The following DOCK1 variants were observed in gnomAD, a reference collection of about 807,000 sequenced individuals.
The protein encoded by DOCK1 is dedicator of cytokinesis 1.
Under a neutral mutation model 262.7 loss-of-function variants are expected in DOCK1, and 138 were observed. That is an observed-to-expected ratio of 0.53 (90% confidence interval 0.46 to 0.61). The LOEUF (loss-of-function observed/expected upper bound fraction) is 0.61, where lower values mean the gene tolerates loss of function less well. Ranked by LOEUF, DOCK1 falls within the 20% of genes least tolerant of loss-of-function variation. The pLI is 0.00. For missense variants in DOCK1, 1,908 were observed against 2,370.7 expected, an observed-to-expected ratio of 0.80 and a Z score of 4.05; for synonymous variants, 866 against 867.4, an observed-to-expected ratio of 1.00 and a Z score of 0.03.
chr10:127,422,222 A>G (rs2068559132), intron 46 of DOCK1, among the ~76,000 whole-genome samples: 1 of 118,650 alleles, frequency 8.4e-6, no homozygotes, highest in South Asian at 2.8e-4. Context: ...CCTGGAGTGC[A>G]GTGGCGTGAT....
At chr10:127,069,659 T>C (rs919338894) in intron 23 of DOCK1, among the ~76,000 whole-genome samples, 1 of 152,128 alleles carries the variant, frequency 6.6e-6, no homozygotes, top group Non-Finnish European at 1.5e-5. Context: ...CTAGGTCACA[T>C]TGTCTGTATG....
At chr10:127,278,534 G>A (rs2060829467) in intron 29 of DOCK1, among the ~76,000 whole-genome samples, 2 of 152,088 alleles carry the variant, frequency 1.3e-5, no homozygotes, top group African/African-American at 4.8e-5. Flanking sequence ...GGGAGTTGCA[G>A]CTGGCTGAAT....
intron 29 of DOCK1, among the ~76,000 whole-genome samples, chr10:127,301,722 G>A (rs1316749654): frequency 1.3e-5 from 2 of 152,144 alleles, no homozygotes; most frequent in African/African-American, 4.8e-5. Flanking sequence ...GAGGAGGGCA[G>A]ATCACTTGAG....
chr10:127,032,227 G>T lies in DOCK1; in HGVS notation c.1819G>T (p.Gly607Cys), dbSNP rs749635446. Residue 607 changes from glycine to cysteine, a missense_variant, in exon 18 of 52, where the codon GGC becomes TGC. Gly to Cys is a radical substitution (Grantham distance 159). Transcript: ENST00000623213. ...GGAAGAAAAGGGCCACTCGGCCACC[G>T]GCAAGAGCATGCAGAGCCTTGGGAG... ...ELEEKGHSATGKSMQSLGSCT... is the reference protein window; with the variant it reads ...ELEEKGHSATCKSMQSLGSCT... The T allele has an allele frequency of 2.0e-5, 32 of 1,601,214 alleles. No individual in the cohort carries two copies. The highest frequency in any genetic ancestry group is 2.7e-5 in the Non-Finnish European group (32 of 1,173,902).
chr10:127,131,348 C>T (rs189318010), intron 27 of DOCK1, among the ~76,000 whole-genome samples: 26 of 152,242 alleles, frequency 1.7e-4, no homozygotes, highest in African/African-American at 5.8e-4. Flanking sequence ...CCTCCCAATT[C>T]CACCATCTCT....
intron 29 of DOCK1, among the ~76,000 whole-genome samples, chr10:127,331,128 GCTT>G (rs2062960925): frequency 6.6e-6 from 1 of 152,166 alleles, no homozygotes; most frequent in East Asian, 1.9e-4. Flanking sequence ...TGAGTTGTCT[GCTT>G]CTTGTTTTCT....
chr10:127,177,947 A>C (rs1160843432), intron 27 of DOCK1, among the ~76,000 whole-genome samples: 1 of 152,228 alleles, frequency 6.6e-6, no homozygotes, highest in Admixed American at 6.5e-5. Flanking sequence ...AGGCAGGAGC[A>C]GGACCCTACT....
chr10:127,169,575 A>C (rs1277556070), intron 27 of DOCK1, among the ~76,000 whole-genome samples: 1 of 152,152 alleles, frequency 6.6e-6, no homozygotes, highest in East Asian at 1.9e-4. Flanking sequence ...TTTGTAAATA[A>C]AGTTTTATTG....
intron 23 of DOCK1, among the ~76,000 whole-genome samples, chr10:127,096,003 A>G (rs555889054): frequency 6.6e-6 from 1 of 152,214 alleles, no homozygotes; most frequent in Non-Finnish European, 1.5e-5. Context: ...GAGATGGGGA[A>G]TGCTATCTGA....
intron 22 of DOCK1, among the ~76,000 whole-genome samples, chr10:127,053,269 G>C (rs796828055): frequency 3.5e-4 from 54 of 152,340 alleles, no homozygotes; most frequent in African/African-American, 1.3e-3. Flanking sequence ...GTGAACCCGG[G>C]AGGCGGAGCT....
chr10:127,213,914 A>T (rs1304514151), intron 27 of DOCK1, among the ~76,000 whole-genome samples: 2 of 152,072 alleles, frequency 1.3e-5, no homozygotes, highest in East Asian at 3.9e-4. Flanking sequence ...ATCTCAGCTC[A>T]CTGCAAGCTC....
intron 23 of DOCK1, among the ~76,000 whole-genome samples, chr10:127,078,229 T>C (rs2135986230): frequency 6.6e-6 from 1 of 152,292 alleles, no homozygotes; most frequent in Middle Eastern, 3.4e-3. Flanking sequence ...AGTATGTAAA[T>C]AACCTGAGTT....
At chr10:127,235,034 A>G (rs2058997072) in intron 27 of DOCK1, among the ~76,000 whole-genome samples, 1 of 148,808 alleles carries the variant, frequency 6.7e-6, no homozygotes, top group Non-Finnish European at 1.5e-5. Context: ...TATAAAGCAT[A>G]TATACTTATA....
intron 16 of DOCK1, among the ~76,000 whole-genome samples, chr10:127,029,238 A>T (rs1168989921): frequency 6.6e-6 from 1 of 152,282 alleles, no homozygotes; most frequent in Middle Eastern, 3.4e-3. Flanking sequence ...GAAAGCCTGG[A>T]TGTCGGCCGC....
At chr10:127,425,604 A>G (rs1591003956) in intron 46 of DOCK1, among the ~76,000 whole-genome samples, 1 of 152,320 alleles carries the variant, frequency 6.6e-6, no homozygotes, top group East Asian at 1.9e-4. Flanking sequence ...AACTCAAGTG[A>G]AAAGCACAGA....
At chr10:127,181,274 A>G (rs1272997502) in intron 27 of DOCK1, among the ~76,000 whole-genome samples, 1 of 152,236 alleles carries the variant, frequency 6.6e-6, no homozygotes, top group Non-Finnish European at 1.5e-5. Flanking sequence ...ACGTACTGTA[A>G]GGAAGGAAGT....
At chr10:127,363,388 T>C (rs1477938341) in intron 33 of DOCK1, among the ~76,000 whole-genome samples, 3 of 152,068 alleles carry the variant, frequency 2.0e-5, no homozygotes, top group African/African-American at 7.2e-5. Context: ...TGCACACCTG[T>C]GGTCAGGGAA....
rs776589124 is a variant in DOCK1, at chr10:127,024,764, G to T, written c.1532G>T (p.Arg511Leu). ...ATTTACTACCAAGTAAAGCAGCCAC[G>T]CTGGTTTGAGACTGTTAAGGTATTA... ...SVIYYQVKQP[R>L]WFETVKVAIP... The change falls in exon 15 of 52, where the codon CGC (arginine) becomes CTC (leucine). Residue 511 changes from arginine (R) to leucine (L), a missense_variant. Transcript: ENST00000623213. 3 of 1,610,374 alleles carry T rather than the reference G, an allele frequency of 1.9e-6. No homozygotes were observed. In the South Asian group the frequency reaches 3.3e-5, roughly 18 times the overall value.
At chr10:127,154,892 A>G (rs1191353672) in intron 27 of DOCK1, among the ~76,000 whole-genome samples, 1 of 152,216 alleles carries the variant, frequency 6.6e-6, no homozygotes, top group Non-Finnish European at 1.5e-5. Context: ...TTCTTGGTCC[A>G]GCCACGTAGG....
Sources: allele counts gnomAD v4.1 joint callset (sites outside exome capture counted in the v4.1 genomes callset), GRCh38; gene constraint gnomAD v4.1.1; transcripts MANE v1.5; gene names NCBI Gene and HGNC (gene_info 2026-07-23, HGNC 2026-07-21).